Variants in ENPP2 observed in about 807,000 individuals in gnomAD.
The protein encoded by ENPP2 is ectonucleotide pyrophosphatase/phosphodiesterase 2, also known as autotaxin.
A neutral mutation model predicts 120.2 loss-of-function variants in ENPP2; 51 were observed. The ratio of observed to expected loss-of-function variants is 0.42; its 90% CI spans 0.34 to 0.54. The LOEUF is 0.54. Ranked by LOEUF, ENPP2 falls within the 20% of genes least tolerant of loss-of-function variation. The pLI, the probability that ENPP2 is intolerant of heterozygous loss-of-function variation, is 0.04. For synonymous variants in ENPP2, 365 were observed against 366.4 expected (o/e 1.00, Z 0.04); for missense variants, 920 against 1,066.5 (o/e 0.86, Z 1.91).
rs58435393 is a variant in ENPP2 at position 119,659,334 on chromosome 8, A to AAAAAAAAAAAAAAAAAAAAAAAAAC, written c.21+13917_21+13918insGTTTTTTTTTTTTTTTTTTTTTTTT. On this transcript the variant is annotated intron_variant, in intron 1 of 25. Coordinates refer to the ENPP2 transcript ENST00000427067. The stretch of plus-strand genomic sequence containing the variant: ...TCTGTCTCAATTAAAAAAAAAAAAA[A>AAAAAAAAAAAAAAAAAAAAAAAAAC]AAACCAGAGTTCTTAAGAATTTTCT... Among the ~76,000 whole-genome samples, 2 of 130,740 alleles carry AAAAAAAAAAAAAAAAAAAAAAAAAC rather than the reference A, an allele frequency of 1.5e-5. 1 individual carries two copies. 85.8% of individuals were successfully genotyped at this position (130,740 alleles called of 152,430 possible).
At chr8:119,663,623 G>T (rs997937351) in intron 1 of ENPP2, among the ~76,000 whole-genome samples, 15 of 152,050 alleles carry the variant, frequency 9.9e-5, no homozygotes, top group African/African-American at 3.4e-4. Context: ...GCAATATTTT[G>T]TTCTGTCAGG....
At chr8:119,659,419 T>C (rs1321258360) in intron 1 of ENPP2, among the ~76,000 whole-genome samples, 1 of 152,004 alleles carries the variant, frequency 6.6e-6, no homozygotes, top group Non-Finnish European at 1.5e-5. Flanking sequence ...CTTACCCCTG[T>C]TCCAAGGCAC....
At chr8:119,577,201 TA>T (rs1812400466) in intron 19 of ENPP2, among the ~76,000 whole-genome samples, 1 of 152,210 alleles carries the variant, frequency 6.6e-6, no homozygotes, top group Non-Finnish European at 1.5e-5. Context: ...AAACTAATAA[TA>T]AAAATAGTAC....
At chr8:119,645,770 G>A (rs1441869906) in intron 1 of ENPP2, among the ~76,000 whole-genome samples, 2 of 146,976 alleles carry the variant, frequency 1.4e-5, no homozygotes, top group Admixed American at 6.8e-5. Context: ...AGCTGAGATC[G>A]CACCATTGCA....
At chr8:119,661,664 C>A (rs1019482695) in intron 1 of ENPP2, among the ~76,000 whole-genome samples, 3 of 152,122 alleles carry the variant, frequency 2.0e-5, no homozygotes, top group Non-Finnish European at 4.4e-5. Context: ...AATCCCACTA[C>A]CAGGTGTATG....
intron 21 of ENPP2, among the ~76,000 whole-genome samples, chr8:119,568,479 G>GT (rs149761146): frequency 6.6e-6 from 1 of 151,806 alleles, no homozygotes; most frequent in East Asian, 1.9e-4. Context: ...CATTTACAAT[G>GT]TTTTTTTCTT....
At chr8:119,653,644 G>T (rs1458515565) in intron 1 of ENPP2, among the ~76,000 whole-genome samples, 1 of 152,166 alleles carries the variant, frequency 6.6e-6, no homozygotes, top group Non-Finnish European at 1.5e-5. Flanking sequence ...TTGGGAGCTA[G>T]TTTATGCAGG....
intron 1 of ENPP2, among the ~76,000 whole-genome samples, chr8:119,657,903 C>G (rs1587583141): frequency 6.6e-6 from 1 of 152,162 alleles, no homozygotes; most frequent in Admixed American, 6.5e-5. Flanking sequence ...CATTGGTGCT[C>G]ACAGCTGCAC....
At position 119,563,213 on chromosome 8, in the gene ENPP2, A is replaced by C. The variant is rs140783824; in HGVS notation, c.2265-200T>G. On this transcript the variant is annotated intron_variant, in intron 23 of 24. Coordinates refer to ENST00000075322, the MANE Select transcript of ENPP2 (RefSeq NM_001040092.3). ...TTTGCCTGGAATCCCCTCACTCCTC[A>C]ACCTGGCAGAGTAAGAAAGATATTC... Among the ~76,000 whole-genome samples the C allele has an allele frequency of 4.1e-3, 617 of 152,286 alleles. 4 individuals are homozygous for C. Among genetic ancestry groups the C allele is most frequent in the African/African-American group, 0.014 (586 of 41,544 alleles).
chr8:119,620,940 C>T (rs894284078), intron 4 of ENPP2, among the ~76,000 whole-genome samples: 1 of 152,164 alleles, frequency 6.6e-6, no homozygotes, highest in African/African-American at 2.4e-5. Flanking sequence ...CCTGGATTTA[C>T]TTTTCAGAGC....
chr8:119,626,265 T>C (rs1024756927), intron 3 of ENPP2, among the ~76,000 whole-genome samples: 2 of 152,074 alleles, frequency 1.3e-5, no homozygotes, highest in Non-Finnish European at 2.9e-5. Context: ...AATGTGGGAA[T>C]TGACAGAAAG....
chr8:119,605,147 C>G (rs1009419173), intron 9 of ENPP2, among the ~76,000 whole-genome samples: 1 of 152,100 alleles, frequency 6.6e-6, no homozygotes, highest in African/African-American at 2.4e-5. Context: ...TCTCAGCTCA[C>G]TGCAGCCTCA....
At chr8:119,666,169 T>C (rs1322143403) in intron 1 of ENPP2, among the ~76,000 whole-genome samples, 2 of 152,256 alleles carry the variant, frequency 1.3e-5, no homozygotes, top group Admixed American at 6.5e-5. Flanking sequence ...TGAGTTAATA[T>C]ACTTATCTCT....
At chr8:119,578,338 G>A (rs1812491997) in intron 19 of ENPP2, 1 of 152,206 alleles carries the variant, frequency 6.6e-6, no homozygotes, top group South Asian at 2.1e-4. Context: ...ACAGGCATGA[G>A]CCACTGTGCC....
chr8:119,668,224 C>A (rs1279615564), intron 1 of ENPP2, among the ~76,000 whole-genome samples: 1 of 152,124 alleles, frequency 6.6e-6, no homozygotes, highest in Non-Finnish European at 1.5e-5. Flanking sequence ...TTCTTCAGCA[C>A]TGTTGTCTCC....
intron 13 of ENPP2, among the ~76,000 whole-genome samples, chr8:119,589,072 GTGTA>G (rs1394809597): frequency 6.6e-6 from 1 of 152,178 alleles, no homozygotes; most frequent in Non-Finnish European, 1.5e-5. Flanking sequence ...AAGAGTGTAT[GTGTA>G]TGTGTGTGTG....
chr8:119,622,845 G>C (rs1232720595), intron 3 of ENPP2, among the ~76,000 whole-genome samples: 2 of 151,620 alleles, frequency 1.3e-5, no homozygotes, highest in African/African-American at 2.4e-5. Flanking sequence ...GGAGAGACTA[G>C]GTCTGTCTTC....
chr8:119,572,360 A>G, intron 19 of ENPP2: 1 of 808,494 alleles, frequency 1.2e-6, no homozygotes, highest in Non-Finnish European at 2.0e-6. Context: ...CTTGGCATCT[A>G]ATCGATTCCA....
upstream of ENPP2, among the ~76,000 whole-genome samples, chr8:119,640,410 C>G (rs531293010): frequency 6.5e-4 from 99 of 152,162 alleles, no homozygotes; most frequent in Non-Finnish European, 1.3e-3. Flanking sequence ...ACAATAAACC[C>G]CAAAGAAAAA....
Sources: gnomAD v4.1 joint callset for allele counts (sites outside exome capture counted in the v4.1 genomes callset) on GRCh38, gnomAD v4.1.1 for gene constraint, MANE v1.5 for transcripts, NCBI Gene and HGNC (gene_info 2026-07-23, HGNC 2026-07-21) for gene names.